Variants in LRRC9 observed in about 807,000 individuals in gnomAD.
The protein encoded by LRRC9 is leucine-rich repeat-containing protein 9.
LRRC9 carries 122 observed loss-of-function variants against 63.2 expected under a neutral mutation model. The observed-to-expected ratio is 1.93, with a 90% CI of 1.67 to 2.24. LRRC9 has a LOEUF of 2.24. Among genes scored for constraint, LRRC9 ranks in the 30% most tolerant of loss-of-function variants. The pLI is 0.00. For synonymous variants in LRRC9, 366 were observed against 213.1 expected, an observed-to-expected ratio of 1.72 and a Z score of -6.25; for missense variants, 1,071 against 627.7, an observed-to-expected ratio of 1.71 and a Z score of -7.55.
At chr14:59,946,727 A>G (rs1367133028) in intron 8 of LRRC9, among the ~76,000 whole-genome samples, 4 of 145,842 alleles carry the variant, frequency 2.7e-5, no homozygotes, top group Admixed American at 7.0e-5. Context: ...TCATTGTTCA[A>G]TTCCCACCTA....
At chr14:59,998,221 A>G (rs1235510375) in intron 18 of LRRC9, among the ~76,000 whole-genome samples, 1 of 152,058 alleles carries the variant, frequency 6.6e-6, no homozygotes, top group East Asian at 1.9e-4. Flanking sequence ...GGGGCACACT[A>G]TTAAGGAAGA....
chr14:60,022,445 T>C (rs187743983), intron 26 of LRRC9, among the ~76,000 whole-genome samples: 4 of 151,816 alleles, frequency 2.6e-5, no homozygotes, highest in Admixed American at 2.6e-4. Context: ...ATAAAGACAG[T>C]TTTATTTACT....
intron 27 of LRRC9, among the ~76,000 whole-genome samples, chr14:60,026,418 T>C (rs1485028522): frequency 6.6e-6 from 1 of 152,090 alleles, no homozygotes; most frequent in Non-Finnish European, 1.5e-5. Context: ...GAGAAATGTC[T>C]ATGCAGACCT....
At chr14:60,065,182 C>G (rs1894854885), downstream of LRRC9, among the ~76,000 whole-genome samples, 1 of 152,138 alleles carries the variant, frequency 6.6e-6, no homozygotes, top group African/African-American at 2.4e-5. Context: ...AAGTTCGAGA[C>G]CAGCCTGGCC....
At chr14:60,002,148 A>G (rs1255414403) in intron 20 of LRRC9, 48 bp downstream of exon 20, 2 of 662,272 alleles carry the variant, frequency 3.0e-6, no homozygotes, top group African/African-American at 3.6e-5. Flanking sequence ...ATTTAAATCT[A>G]TTTTTAAGTC....
chr14:60,033,197 C>G lies in LRRC9; in HGVS notation c.3990+1134C>G, dbSNP rs146946089. Among the ~76,000 whole-genome samples the G allele has an allele frequency of 2.0e-5, 3 of 151,962 alleles. No individual in the cohort carries two copies. The East Asian group carries it at 5.8e-4, about 29-fold the overall frequency. ...TTTTCATCTAGGAATCTTGCTGAAC[C>G]CTCTTTTTAATTCTAATGGTTTGTA... On this transcript the variant is annotated intron_variant, in intron 29 of 31. Coordinates refer to ENST00000445360, the Ensembl canonical transcript of LRRC9.
chr14:60,032,859 CT>C lies in LRRC9; in HGVS notation c.3990+797del, dbSNP rs149300218. On this transcript the variant is annotated intron_variant, in intron 29 of 31. Coordinates refer to ENST00000445360, the Ensembl canonical transcript of LRRC9. ...AGGGAGTTAAATCACTCCACTTCCC[CT>C]AGTAGAGAGGAAGTGAAGGGGTTGA... Among the ~76,000 whole-genome samples the C allele has an allele frequency of 3.3e-3, 508 of 152,100 alleles. 15 individuals are homozygous for C. In the East Asian group the frequency reaches 0.056, roughly 17 times the overall value.
At chr14:60,038,489 G>C (rs951420259) in intron 29 of LRRC9, among the ~76,000 whole-genome samples, 1 of 152,162 alleles carries the variant, frequency 6.6e-6, no homozygotes, top group Non-Finnish European at 1.5e-5. Flanking sequence ...CACATCCCTT[G>C]TAAGTTAGAT....
intron 6 of LRRC9, among the ~76,000 whole-genome samples, chr14:59,933,065 T>C (rs902125307): frequency 3.3e-5 from 5 of 152,194 alleles, no homozygotes; most frequent in African/African-American, 1.2e-4. Flanking sequence ...CACAGTAATC[T>C]TATGGCCTTT....
Position 60,003,938 on chromosome 14 carries a change from C to T in LRRC9, c.2842+140C>T, listed in dbSNP as rs1455192456. 4 of 501,988 alleles carry T rather than the reference C, an allele frequency of 8.0e-6. No individual in the cohort carries two copies. The highest frequency in any genetic ancestry group is 7.6e-5 in the Admixed American group (2 of 26,478). 31.1% of individuals were successfully genotyped at this position (501,988 alleles called of 1,614,324 possible). On this transcript the variant is annotated intron_variant, in intron 21 of 31. Transcript: ENST00000445360. The surrounding 1 kb of genome is among the most constrained non-coding windows in gnomAD (Gnocchi z 4.2). ...TTTTTGTGGCAGGGTATTCTAAATA[C>T]CTGTGTGAGGTAATGCAATTATTAG...
intron 15 of LRRC9, among the ~76,000 whole-genome samples, chr14:59,979,996 C>T (rs1197396007): frequency 6.6e-6 from 1 of 152,016 alleles, no homozygotes; most frequent in African/African-American, 2.4e-5. Flanking sequence ...AAGAAAAACT[C>T]ATCATTTTAA....
chr14:60,040,864 T>A lies in LRRC9; in HGVS notation c.3990+8801T>A, dbSNP rs539332066. Among the ~76,000 whole-genome samples, 67 of 152,138 alleles carry A rather than the reference T, an allele frequency of 4.4e-4. 1 individual carries two copies. Among genetic ancestry groups the A allele is most frequent in the African/African-American group, 1.3e-3 (53 of 41,370 alleles). On this transcript the variant is annotated intron_variant, in intron 29 of 31. Coordinates refer to ENST00000445360, the Ensembl canonical transcript of LRRC9. ...TGTTTCTTCCTAGTATTGATGGTCT[T>A]TACAATTTGGCATGTTTTTGCAGTG...
At chr14:60,015,118 A>G (rs1339288388) in intron 23 of LRRC9, among the ~76,000 whole-genome samples, 1 of 151,770 alleles carries the variant, frequency 6.6e-6, no homozygotes, top group Non-Finnish European at 1.5e-5. Context: ...CAATTCTAAA[A>G]TTTTCATTTC....
At position 59,967,028 on chromosome 14, in the gene LRRC9, T is replaced by C. The variant is rs562544607; in HGVS notation, c.1389-68T>C. The stretch of plus-strand genomic sequence containing the variant: ...AAATATCCCTGGCAGGACATATGGT[T>C]ATCTTATCTATGGCTAAGCTTTTGT... On this transcript the variant is annotated intron_variant, in intron 11 of 31. Transcript: ENST00000445360. 8.9e-6 allele frequency: 5 copies of C among 561,286 alleles called. No homozygotes were observed. The African/African-American group carries it at 9.2e-5, about 10-fold the overall frequency. The allele number at this position is 561,286 out of a possible 1,614,324, so 34.8% of individuals were successfully genotyped here. A position where few individuals can be genotyped will look rare whatever the true frequency, so the allele number is the denominator to read the frequency against.
At chr14:59,993,851 C>T (rs1273605415) in intron 17 of LRRC9, among the ~76,000 whole-genome samples, 1 of 152,134 alleles carries the variant, frequency 6.6e-6, no homozygotes, top group African/African-American at 2.4e-5. Flanking sequence ...TAGACTCCCA[C>T]ACAATAATAA....
intron 29 of LRRC9, among the ~76,000 whole-genome samples, chr14:60,034,315 C>A (rs938506869): frequency 1.3e-5 from 2 of 151,644 alleles, no homozygotes; most frequent in Non-Finnish European, 2.9e-5. Context: ...CCGTGCTCAG[C>A]CTGTAAATTT....
In LRRC9 at chr14:59,944,575, T is replaced by C. The variant is rs1157783723; in HGVS notation, c.727-14T>C. 1 of 547,932 alleles carries C rather than the reference T, an allele frequency of 1.8e-6. No homozygotes were observed. The highest frequency in any genetic ancestry group is 2.6e-5 in the South Asian group (1 of 37,792). 33.9% of individuals were successfully genotyped at this position (547,932 alleles called of 1,614,324 possible). A position where few individuals can be genotyped will look rare whatever the true frequency, so the allele number is the denominator to read the frequency against. On this transcript the variant is annotated splice_polypyrimidine_tract_variant and intron_variant, in intron 7 of 31. Transcript: ENST00000445360. ...TTTTAGCTAATTTTTTGTTGTTTTC[T>C]TTCTTACTTTTAGACCACAGCAATG...
exon 3 of LRRC9, chr14:59,928,486 G>C (rs1685825185): frequency 1.5e-6 from 1 of 649,944 alleles, no homozygotes; most frequent in Admixed American, 2.6e-5. Flanking sequence ...GCTGCATAGA[G>C]GTAAGTGTAA....
rs989713744 is a variant in LRRC9 at position 60,053,420 on chromosome 14, C to CACACAT, written c.4131+216_4131+217insCACATA. Among the ~76,000 whole-genome samples, 3 of 22,846 alleles carry CACACAT rather than the reference C, an allele frequency of 1.3e-4. No individual in the cohort carries two copies. Among genetic ancestry groups the CACACAT allele is most frequent in the Admixed American group, 8.2e-4 (1 of 1,220 alleles). 15.0% of individuals were successfully genotyped at this position (22,846 alleles called of 152,430 possible). ...ACACACACACACACACACACACACA[C>CACACAT]ATATATATGTAAGTCAGGGAACATC... On this transcript the variant is annotated intron_variant, in intron 30 of 31. Coordinates refer to ENST00000445360, the Ensembl canonical transcript of LRRC9. The surrounding 1 kb of genome is among the most constrained non-coding windows in gnomAD (Gnocchi z 4.8).
Sources: allele counts gnomAD v4.1 joint callset (sites outside exome capture counted in the v4.1 genomes callset), GRCh38; gene constraint gnomAD v4.1.1; non-coding constraint Gnocchi (gnomAD v3.1); transcripts MANE v1.5; gene names NCBI Gene and HGNC (gene_info 2026-07-23, HGNC 2026-07-21).